Variants in MAP3K12 observed in about 807,000 individuals in gnomAD.
MAP3K12 encodes MAPK-upstream kinase.
Under a neutral mutation model 87.5 loss-of-function variants are expected in MAP3K12, and 14 were observed. The observed-to-expected ratio is 0.16, with a 90% CI of 0.11 to 0.25. The LOEUF (loss-of-function observed/expected upper bound fraction) is 0.25, where lower values mean the gene tolerates loss of function less well. Ranked by LOEUF, MAP3K12 falls within the 10% of genes least tolerant of loss-of-function variation. The pLI is 1.00. For synonymous variants in MAP3K12, 469 were observed against 452.5 expected (o/e 1.04, Z -0.46); for missense variants, 802 against 1,140.4 (o/e 0.70, Z 4.27).
At position 53,495,339 on chromosome 12, in the gene MAP3K12, C is replaced by CAAAAAAAA. The variant is rs10647631; in HGVS notation, c.-38+4080_-38+4087dup. On this transcript the variant is annotated intron_variant, in intron 1 of 13. Coordinates refer to ENST00000547488, the MANE Select transcript of MAP3K12 (RefSeq NM_001193511.2). ...AGGCGACAGAGCAATACTCTGTCTCCAAAAAAAAAAAAAAAAAAAAAAAAA... is the reference window on the plus strand; with the variant it reads ...AGGCGACAGAGCAATACTCTGTCTCCAAAAAAAAAAAAAAAAAAAAAAAAAAAAAAAAA... Among the ~76,000 whole-genome samples, 12 of 19,378 alleles carry CAAAAAAAA rather than the reference C, an allele frequency of 6.2e-4. 3 individuals are homozygous for CAAAAAAAA. Among genetic ancestry groups the CAAAAAAAA allele is most frequent in the South Asian group, 0.01 (2 of 192 alleles). The allele number at this position is 19,378 out of a possible 152,430, so 12.7% of individuals were successfully genotyped here.
intron 1 of MAP3K12, among the ~76,000 whole-genome samples, chr12:53,494,849 C>T (rs1464874509): frequency 2.0e-5 from 3 of 152,124 alleles, no homozygotes; most frequent in Non-Finnish European, 4.4e-5. Context: ...TCTGATCAAT[C>T]GTGGCCATGC....
rs558831987 is a variant in MAP3K12, at chr12:53,483,900, C to CG, written c.1358+10dup. On this transcript the variant is annotated intron_variant, in intron 8 of 13. Transcript: ENST00000547488. ...GTTAGTAAAATCACCTCCCCAAGCA[C>CG]GGGAACTCACCTGAGCTCCTCCCTC... The CG allele has an allele frequency of 2.5e-6, 4 of 1,613,110 alleles. No individual in the cohort carries two copies. In the South Asian group the frequency reaches 4.4e-5, roughly 18 times the overall value.
chr12:53,501,451 G>A (rs1943698225), upstream of MAP3K12: 1 of 1,568,650 alleles, frequency 6.4e-7, no homozygotes, highest in South Asian at 1.2e-5. Context: ...CACGGGCTGC[G>A]GGCTGCCTAG....
chr12:53,492,222 GAC>G (rs1292329777), intron 1 of MAP3K12, among the ~76,000 whole-genome samples: 1 of 152,232 alleles, frequency 6.6e-6, no homozygotes, highest in African/African-American at 2.4e-5. Context: ...CTTCTGGGCT[GAC>G]ACAGCCCCAC....
At chr12:53,481,813 C>T (rs994277201) in intron 13 of MAP3K12, 128 bp downstream of exon 13, 59 of 1,166,394 alleles carry the variant, frequency 5.1e-5, no homozygotes, top group Non-Finnish European at 6.3e-5. Flanking sequence ...AATTCCACCA[C>T]GTGGATATTT....
At position 53,482,326 on chromosome 12, in the gene MAP3K12, C is replaced by T; in HGVS notation, c.2282G>A (p.Ser761Asn). 6 of 1,614,148 alleles carry T rather than the reference C, an allele frequency of 3.7e-6. No homozygotes were observed. The highest frequency in any genetic ancestry group is 5.1e-6 in the Non-Finnish European group (6 of 1,180,034). ...SSEEEEGEVD[S>N]EVELTSSQRW... Reference sequence around the variant, plus strand: ...CTGGCTTGATGTCAGCTCTACTTCACTGTCTACCTCTCCTTCCTCCTCTTC... The same window carrying T: ...CTGGCTTGATGTCAGCTCTACTTCATTGTCTACCTCTCCTTCCTCCTCTTC... The change falls in exon 12 of 14, where the codon AGT becomes AAT. Residue 761 changes from serine (S) to asparagine (N), a missense_variant. By Grantham distance (46) the Ser-to-Asn change is conservative. This residue lies in a region of MAP3K12 where 490 missense variants were observed against 496.6 expected (regional missense o/e 0.99). Transcript: ENST00000547488.
intron 13 of MAP3K12, chr12:53,481,677 C>A: frequency 4.6e-6 from 2 of 436,188 alleles, no homozygotes; most frequent in Non-Finnish European, 8.3e-6. Context: ...TTCCAGATTT[C>A]AGTTGCTCAG....
intron 1 of MAP3K12, among the ~76,000 whole-genome samples, chr12:53,494,173 G>A (rs995665562): frequency 1.3e-5 from 2 of 152,212 alleles, no homozygotes; most frequent in African/African-American, 4.8e-5. Context: ...GGAGCCCCTG[G>A]CCCAGACGTT....
At chr12:53,499,826 G>A (rs1397735692), upstream of MAP3K12, among the ~76,000 whole-genome samples, 1 of 152,192 alleles carries the variant, frequency 6.6e-6, no homozygotes, top group African/African-American at 2.4e-5. Context: ...CCCTGCTGGC[G>A]GTGTCCTATG....
At chr12:53,501,473 C>T, upstream of MAP3K12, 3 of 1,562,220 alleles carry the variant, frequency 1.9e-6, no homozygotes, top group African/African-American at 1.4e-5. Context: ...TGAGCCGTCT[C>T]GTACCGATTC....
chr12:53,489,806 G>A (rs772614491), intron 1 of MAP3K12, among the ~76,000 whole-genome samples: 3 of 152,120 alleles, frequency 2.0e-5, no homozygotes, highest in Non-Finnish European at 2.9e-5. Context: ...TGGGGGGTGA[G>A]GGTGGTAGGC....
intron 1 of MAP3K12, among the ~76,000 whole-genome samples, chr12:53,489,078 TC>T (rs1228403822): frequency 7.7e-5 from 7 of 90,960 alleles, no homozygotes; most frequent in Admixed American, 1.3e-4. Flanking sequence ...AAACTCTGTC[TC>T]AAAAAAAAAA....
Position 53,483,597 on chromosome 12 carries a change from G to A in MAP3K12, c.1475+10C>T. 1 of 1,613,892 alleles carries A rather than the reference G, an allele frequency of 6.2e-7. No homozygotes were observed. On this transcript the variant is annotated intron_variant, in intron 9 of 13. Transcript: ENST00000547488. The stretch of plus-strand genomic sequence containing the variant: ...TCCAGGGCTTGGTGCATAAGGACAG[G>A]TAGGGTTACCTGAGCAGCTCCCTCT...
At chr12:53,485,631 C>T (rs1943207529) in intron 4 of MAP3K12, 156 bp from the exon 5 acceptor site, 1 of 760,358 alleles carries the variant, frequency 1.3e-6, no homozygotes, top group Non-Finnish European at 2.1e-6. Context: ...TCTCGGCTCA[C>T]TGCAACCTCC....
In MAP3K12 at chr12:53,488,711, G is replaced by A. The variant is rs113750357; in HGVS notation, c.-37-1283C>T. ...GCAACCATTAAAAAACCTGAATCTG[G>A]CACGGTGTGTTGGCTCATGCCTGTA... On this transcript the variant is annotated intron_variant, in intron 1 of 13. Coordinates refer to ENST00000547488, the MANE Select transcript of MAP3K12 (RefSeq NM_001193511.2). Among the ~76,000 whole-genome samples, 586 of 152,132 alleles carry A rather than the reference G, an allele frequency of 3.9e-3. 7 individuals carry two copies. The highest frequency in any genetic ancestry group is 0.013 in the African/African-American group (558 of 41,504).
Position 53,485,157 on chromosome 12 carries a change from T to C in MAP3K12, c.1038A>G (p.Val346=). Reference sequence around the variant, plus strand: ...CACCCCAGATAATGGCTGAGGAATCTACGTCTTTGTAGGGGATCTCACCAG... The same window carrying C: ...CACCCCAGATAATGGCTGAGGAATCCACGTCTTTGTAGGGGATCTCACCAG... ...LLTGEIPYKD[V]DSSAIIWGVG... is the part of the protein sequence containing the mutation. Residue 346 remains valine, a synonymous_variant, in exon 6 of 14, where the codon GTA becomes GTG. Coordinates refer to ENST00000547488, the MANE Select transcript of MAP3K12 (RefSeq NM_001193511.2). 6.2e-7 allele frequency: 1 copy of C among 1,614,148 alleles called. No homozygotes were observed. The highest frequency in any genetic ancestry group is 1.1e-5 in the South Asian group (1 of 91,092).
At chr12:53,484,643 T>A (rs769704030) in intron 6 of MAP3K12, 4 of 468,802 alleles carry the variant, frequency 8.5e-6, no homozygotes, top group Non-Finnish European at 1.5e-5. Flanking sequence ...AACCACATTT[T>A]GGGAAATGCT....
At chr12:53,489,868 G>A (rs1943353337) in intron 1 of MAP3K12, among the ~76,000 whole-genome samples, 1 of 152,176 alleles carries the variant, frequency 6.6e-6, no homozygotes, top group Admixed American at 6.5e-5. Context: ...CTCTAACCCA[G>A]TGCATGCTAT....
chr12:53,501,511 C>T (rs751933741), upstream of MAP3K12: 5 of 1,551,220 alleles, frequency 3.2e-6, no homozygotes, highest in South Asian at 2.4e-5. Context: ...TGGGGCCGTG[C>T]GGAGGGAGTA....
Sources: gnomAD v4.1 joint callset for allele counts (sites outside exome capture counted in the v4.1 genomes callset) on GRCh38, gnomAD v4.1.1 for gene constraint, gnomAD v4.1.1 regional missense constraint, MANE v1.5 for transcripts, NCBI Gene and HGNC (gene_info 2026-07-23, HGNC 2026-07-21) for gene names.